The following GJC2 variants were observed in gnomAD, a reference collection of about 807,000 sequenced individuals.
GJC2 encodes gap junction gamma-2 protein.
For synonymous variants in GJC2, 336 were observed against 307.5 expected (o/e 1.09, Z -0.97); for missense variants, 647 against 648.9 (o/e 1.00, Z 0.03).
In GJC2 at chr1:228,158,546, A is replaced by C; in HGVS notation, c.788A>C (p.Glu263Ala). Reference protein sequence around the residue: ...VVDCFVSRPTEKTVFLLVMYV... With the variant: ...VVDCFVSRPTAKTVFLLVMYV... ...GACTGCTTCGTGTCGCGCCCTACTG[A>C]AAAGACGGTCTTCCTGCTGGTTATG... Residue 263 changes from glutamate (E) to alanine (A), a missense_variant, in exon 2 of 2, where the codon GAA (glutamate) becomes GCA (alanine). Coordinates refer to ENST00000366714, the MANE Select transcript of GJC2 (RefSeq NM_020435.4). This position sits in a 1 kb window ranked among gnomAD's most constrained non-coding sequence, Gnocchi z 8.3. 6.2e-7 allele frequency: 1 copy of C among 1,612,856 alleles called. No homozygotes were observed. The highest frequency in any genetic ancestry group is 1.7e-4 in the Middle Eastern group (1 of 6,060).
At chr1:228,155,352 TGGTTAGGAGTCACA>T (rs1394845845) in intron 1 of GJC2, among the ~76,000 whole-genome samples, 4 of 152,188 alleles carry the variant, frequency 2.6e-5, no homozygotes, top group Non-Finnish European at 5.9e-5. Context: ...GCATTCGCTC[TGGTTAGGAGTCACA>T]GGCAGGGCAG....
rs760048529 is a variant in GJC2, at chr1:228,159,117, T to C, written c.*39T>C. ...CGAGCTGGGCCAGGGAGGAGGAGGG[T>C]TGGGGGGCTCCGGTGGAAACCTGCG... On this transcript the variant is annotated 3_prime_UTR_variant, in exon 2 of 2. Transcript: ENST00000366714. The surrounding 1 kb of genome is among the most constrained non-coding windows in gnomAD (Gnocchi z 4.0). 3.7e-6 allele frequency: 6 copies of C among 1,602,290 alleles called. No individual in the cohort carries two copies. The highest frequency in any genetic ancestry group is 4.3e-6 in the Non-Finnish European group (5 of 1,173,952).
At chr1:228,156,945 C>A (rs919901743) in intron 1 of GJC2, among the ~76,000 whole-genome samples, 15 of 152,256 alleles carry the variant, frequency 9.9e-5, no homozygotes, top group African/African-American at 3.1e-4. Flanking sequence ...TGGACACCGT[C>A]CCTCCTGGAC....
rs2034723502 is a variant in GJC2, at chr1:228,158,666, G to C, written c.908G>C (p.Gly303Ala). The C allele has an allele frequency of 7.3e-7, 1 of 1,363,424 alleles. No homozygotes were observed. Among genetic ancestry groups the C allele is most frequent in the East Asian group, 3.5e-5 (1 of 28,510 alleles). 84.5% of individuals were successfully genotyped at this position (1,363,424 alleles called of 1,614,324 possible). ...CAGGACGCGGTGCGCGGCCGCCGCG[G>C]CCCCCCGGCCTCCGCCCCCGCCCCC... Reference protein sequence around the residue: ...SAQDAVRGRRGPPASAPAPAP... With the variant: ...SAQDAVRGRRAPPASAPAPAP... The change falls in exon 2 of 2, where the codon GGC becomes GCC. Residue 303 changes from glycine (G) to alanine (A), a missense_variant. By Grantham distance (60) the Gly-to-Ala change is moderately conservative. Transcript: ENST00000366714. The surrounding 1 kb of genome is among the most constrained non-coding windows in gnomAD (Gnocchi z 8.3).
At position 228,151,421 on chromosome 1, in the gene GJC2, T is replaced by A. The variant is rs1438892378; in HGVS notation, c.-20+1414T>A. On this transcript the variant is annotated intron_variant, in intron 1 of 1. Coordinates refer to ENST00000366714, the MANE Select transcript of GJC2 (RefSeq NM_020435.4). This position sits in a 1 kb window ranked among gnomAD's most constrained non-coding sequence, Gnocchi z 5.4. The stretch of plus-strand genomic sequence containing the variant: ...CCACCATGTGGGCAGGCACTTGGGG[T>A]CTTGGTGGGGGCACCTTGCTTTCCT... Among the ~76,000 whole-genome samples the A allele has an allele frequency of 1.3e-5, 2 of 151,814 alleles. No individual in the cohort carries two copies. The highest frequency in any genetic ancestry group is 2.9e-5 in the Non-Finnish European group (2 of 67,938).
chr1:228,154,528 C>G (rs2034657957), intron 1 of GJC2, among the ~76,000 whole-genome samples: 1 of 152,200 alleles, frequency 6.6e-6, no homozygotes, highest in South Asian at 2.1e-4. Flanking sequence ...CTCTCCCTCC[C>G]ACACCCTCTG....
rs920404963 is a variant in GJC2, at chr1:228,150,300, G to T, written c.-20+293G>T. 6.9e-4 allele frequency among the ~76,000 whole-genome samples: 105 copies of T among 152,298 alleles called. 1 individual carries two copies. Among genetic ancestry groups the T allele is most frequent in the African/African-American group, 2.0e-3 (83 of 41,568 alleles). On this transcript the variant is annotated intron_variant, in intron 1 of 1. Transcript: ENST00000366714. The surrounding 1 kb of genome is among the most constrained non-coding windows in gnomAD (Gnocchi z 4.6). The stretch of plus-strand genomic sequence containing the variant: ...CTGCTCTGGGACAGCTGGCAAGCGG[G>T]AGGGGGGTGCCTTCAGTACCTCCCC...
In GJC2 at chr1:228,158,362, A is replaced by G; in HGVS notation, c.604A>G (p.Arg202Gly). 1 of 1,595,272 alleles carries G rather than the reference A, an allele frequency of 6.3e-7. No individual in the cohort carries two copies. Among genetic ancestry groups the G allele is most frequent in the Non-Finnish European group, 8.5e-7 (1 of 1,175,304 alleles). Reference protein sequence around the residue: ...PGPTGQHDGRRRIQREGLMRV... With the variant: ...PGPTGQHDGRGRIQREGLMRV... ...CCCGACCGGGCAACACGATGGGCGG[A>G]GGCGCATCCAGCGGGAGGGCCTGAT... Residue 202 changes from arginine to glycine, a missense_variant, in exon 2 of 2, where the codon AGG becomes GGG. Coordinates refer to ENST00000366714, the MANE Select transcript of GJC2 (RefSeq NM_020435.4). The surrounding 1 kb of genome is among the most constrained non-coding windows in gnomAD (Gnocchi z 8.3).
In GJC2 at chr1:228,158,407, C is replaced by T. The variant is rs147024647; in HGVS notation, c.649C>T (p.Leu217=). The change falls in exon 2 of 2, where the codon CTG becomes TTG. Residue 217 remains leucine (L), a synonymous_variant. Transcript: ENST00000366714. The surrounding 1 kb of genome is among the most constrained non-coding windows in gnomAD (Gnocchi z 8.3). ...CCTGATGCGCGTGTACGTGGCCCAG[C>T]TGGTGGCCAGGGCAGCTTTCGAGGT... is the stretch of plus-strand genomic sequence containing the variant. ...EGLMRVYVAQ[L]VARAAFEVAF... 1.9e-6 allele frequency: 3 copies of T among 1,606,272 alleles called. No individual in the cohort carries two copies. In the African/African-American group the frequency reaches 4.0e-5, roughly 21 times the overall value.
At chr1:228,155,338 C>T (rs560437578) in intron 1 of GJC2, among the ~76,000 whole-genome samples, 2 of 152,282 alleles carry the variant, frequency 1.3e-5, no homozygotes, top group Non-Finnish European at 2.9e-5. Flanking sequence ...CAGGTGAGGC[C>T]GCGGCATTCG....
At chr1:228,153,434 T>C (rs1198181470) in intron 1 of GJC2, among the ~76,000 whole-genome samples, 1 of 151,116 alleles carries the variant, frequency 6.6e-6, no homozygotes, top group Non-Finnish European at 1.5e-5. Context: ...TCACCCAGGA[T>C]TGAGTGCAGT....
At chr1:228,157,200 G>A (rs2034693231) in intron 1 of GJC2, among the ~76,000 whole-genome samples, 1 of 145,718 alleles carries the variant, frequency 6.9e-6, no homozygotes, top group Non-Finnish European at 1.5e-5. Flanking sequence ...GCAGAGCAGG[G>A]CCTCTGGGGG....
chr1:228,154,081 A>G (rs1161119216), intron 1 of GJC2, among the ~76,000 whole-genome samples: 1 of 152,130 alleles, frequency 6.6e-6, no homozygotes, highest in African/African-American at 2.4e-5. Context: ...TTAGCGTGAC[A>G]TGCTCCTCAT....
In GJC2 at chr1:228,159,333, G is replaced by T. The variant is rs1386064401; in HGVS notation, c.*255G>T. The T allele has an allele frequency of 3.7e-6, 2 of 543,768 alleles. No homozygotes were observed. The highest frequency in any genetic ancestry group is 6.7e-6 in the Non-Finnish European group (2 of 297,178). The allele number at this position is 543,768 out of a possible 1,614,324, so 33.7% of individuals were successfully genotyped here. A position where few individuals can be genotyped will look rare whatever the true frequency, so the allele number is the denominator to read the frequency against. ...GCCCTCTGCTGTGGTCTGAACCCCA[G>T]GGGGAGTGGGGCATTGACTCCACCC... On this transcript the variant is annotated 3_prime_UTR_variant, in exon 2 of 2. Transcript: ENST00000366714. This position sits in a 1 kb window ranked among gnomAD's most constrained non-coding sequence, Gnocchi z 4.0.
In GJC2 at chr1:228,157,738, A is replaced by AGGGGGGGGGGGGGGGGGGGGGGGGGG; in HGVS notation, c.-19_-18insGGGGGGGGGGGGGGGGGGGGGGGGGG. 3.2e-5 allele frequency: 21 copies of AGGGGGGGGGGGGGGGGGGGGGGGGGG among 660,972 alleles called. 1 individual carries two copies. Among genetic ancestry groups the AGGGGGGGGGGGGGGGGGGGGGGGGGG allele is most frequent in the Non-Finnish European group, 4.9e-5 (18 of 363,806 alleles). The allele number at this position is 660,972 out of a possible 1,614,324, so 40.9% of individuals were successfully genotyped here. On this transcript the variant is annotated splice_acceptor_variant, in intron 1 of 1. Transcript: ENST00000366714. LOFTEE classifies it low-confidence loss of function (5UTR_SPLICE). ...CTGGCTGACCCCTACCCCGCCCCAC[A>AGGGGGGGGGGGGGGGGGGGGGGGGGG]GGACCCGCCCGCCCGCCCCTATGAC...
rs562370286 is a variant in GJC2 at position 228,151,459 on chromosome 1, G to A, written c.-20+1452G>A. 3.3e-5 allele frequency among the ~76,000 whole-genome samples: 5 copies of A among 152,264 alleles called. No homozygotes were observed. In the South Asian group the frequency reaches 8.3e-4, roughly 25 times the overall value. On this transcript the variant is annotated intron_variant, in intron 1 of 1. Coordinates refer to ENST00000366714, the MANE Select transcript of GJC2 (RefSeq NM_020435.4). The surrounding 1 kb of genome is among the most constrained non-coding windows in gnomAD (Gnocchi z 5.4). ...ACCTTGCTTTCCTGGGCCTGGTGGG[G>A]ACTCCTGAGGGAGGCACGTGGTGAG... is the stretch of plus-strand genomic sequence containing the variant.
chr1:228,156,448 CAT>C (rs534601725), intron 1 of GJC2, among the ~76,000 whole-genome samples: 254 of 152,306 alleles, frequency 1.7e-3, no homozygotes, highest in Middle Eastern at 3.4e-3. Flanking sequence ...CATGTGTACA[CAT>C]GTGAATCTGT....
In GJC2 at chr1:228,151,342, G is replaced by T. The variant is rs1354028388; in HGVS notation, c.-20+1335G>T. Among the ~76,000 whole-genome samples, 1 of 152,072 alleles carries T rather than the reference G, an allele frequency of 6.6e-6. No homozygotes were observed. The highest frequency in any genetic ancestry group is 1.5e-5 in the Non-Finnish European group (1 of 68,022). On this transcript the variant is annotated intron_variant, in intron 1 of 1. Coordinates refer to ENST00000366714, the MANE Select transcript of GJC2 (RefSeq NM_020435.4). The surrounding 1 kb of genome is among the most constrained non-coding windows in gnomAD (Gnocchi z 5.4). The stretch of plus-strand genomic sequence containing the variant: ...TCCTGAGCGCCACACCCATGCTCTT[G>T]GGCTCCTGGGGGTCTGGTCAGTTCA...
intron 1 of GJC2, among the ~76,000 whole-genome samples, chr1:228,154,361 C>A (rs2034656355): frequency 6.6e-6 from 1 of 152,180 alleles, no homozygotes; most frequent in African/African-American, 2.4e-5. Context: ...CCTTATGAGT[C>A]TTCAGGGGGA....
Sources: allele counts gnomAD v4.1 joint callset (sites outside exome capture counted in the v4.1 genomes callset), GRCh38; gene constraint gnomAD v4.1.1; non-coding constraint Gnocchi (gnomAD v3.1); transcripts MANE v1.5; gene names NCBI Gene and HGNC (gene_info 2026-07-23, HGNC 2026-07-21).